PLCB1: variants seen among roughly 807,000 people sequenced by gnomAD.
PLCB1 encodes phospholipase C beta 1.
PLCB1 carries 46 observed loss-of-function variants against 161.8 expected under a neutral mutation model. The observed-to-expected ratio is 0.28, with a 90% CI of 0.22 to 0.36. The LOEUF (loss-of-function observed/expected upper bound fraction) is 0.36, where lower values mean the gene tolerates loss of function less well. PLCB1 is among the 10% of genes least tolerant of loss of function. PLCB1 has a pLI of 1.00. For missense variants in PLCB1, 1,016 were observed against 1,472.5 expected (o/e 0.69, Z 5.07); for synonymous variants, 517 against 503.7 (o/e 1.03, Z -0.35).
chr20:8,336,857 T>C (rs942611014), intron 2 of PLCB1, among the ~76,000 whole-genome samples: 2 of 152,184 alleles, frequency 1.3e-5, no homozygotes, highest in African/African-American at 4.8e-5. Flanking sequence ...TATTTCTCTC[T>C]TTTCTCCAGT....
At chr20:8,136,073 C>A (rs181905504) in intron 1 of PLCB1, among the ~76,000 whole-genome samples, 2 of 152,290 alleles carry the variant, frequency 1.3e-5, no homozygotes, top group Admixed American at 1.3e-4. Context: ...AGCACTCTGT[C>A]TCACTGTCGC....
chr20:8,270,469 A>G (rs1054052816), intron 2 of PLCB1, among the ~76,000 whole-genome samples: 4 of 152,174 alleles, frequency 2.6e-5, no homozygotes, highest in Admixed American at 6.5e-5. Context: ...TGGGAATGCA[A>G]ATCTCCAAGA....
intron 2 of PLCB1, among the ~76,000 whole-genome samples, chr20:8,175,563 T>G (rs930449027): frequency 3.9e-5 from 6 of 152,046 alleles, no homozygotes; most frequent in Admixed American, 3.9e-4. Context: ...CATAAAACTG[T>G]AAAACTTTTA....
chr20:8,504,196 G>C (rs1983536318), intron 3 of PLCB1, among the ~76,000 whole-genome samples: 1 of 152,146 alleles, frequency 6.6e-6, no homozygotes, highest in Non-Finnish European at 1.5e-5. Flanking sequence ...TCCACTCTAA[G>C]GCCCAGTGAC....
At chr20:8,619,256 T>C (rs556579945) in intron 3 of PLCB1, among the ~76,000 whole-genome samples, 171 of 152,076 alleles carry the variant, frequency 1.1e-3, no homozygotes, top group African/African-American at 4.0e-3. Context: ...CCGTCTCTAC[T>C]AAAAATACAA....
At chr20:8,453,109 A>G (rs905707329) in intron 3 of PLCB1, among the ~76,000 whole-genome samples, 1 of 152,214 alleles carries the variant, frequency 6.6e-6, no homozygotes, top group Non-Finnish European at 1.5e-5. Flanking sequence ...TTGGAATTGT[A>G]ACTTTGTTTC....
At chr20:8,143,188 C>G (rs1436766120) in intron 1 of PLCB1, among the ~76,000 whole-genome samples, 2 of 152,164 alleles carry the variant, frequency 1.3e-5, no homozygotes, top group African/African-American at 4.8e-5. Context: ...ATCTCCTTCC[C>G]TCTACTATGC....
At chr20:8,671,981 A>G (rs1465861121) in intron 9 of PLCB1, among the ~76,000 whole-genome samples, 1 of 152,216 alleles carries the variant, frequency 6.6e-6, no homozygotes, top group Non-Finnish European at 1.5e-5. Context: ...CATGTGGTCA[A>G]TGCTCAGTAA....
intron 29 of PLCB1, 46 bp downstream of exon 29, chr20:8,788,768 AT>A: frequency 7.8e-7 from 1 of 1,278,114 alleles, no homozygotes; most frequent in Non-Finnish European, 1.1e-6. Context: ...TCTGGGAATT[AT>A]TTTATTTTGT....
chr20:8,273,483 T>A (rs570405415), intron 2 of PLCB1, among the ~76,000 whole-genome samples: 1 of 152,164 alleles, frequency 6.6e-6, no homozygotes, highest in Non-Finnish European at 1.5e-5. Context: ...TCTAAGCTTT[T>A]ATGGTGCAAA....
intron 2 of PLCB1, among the ~76,000 whole-genome samples, chr20:8,234,850 A>T (rs1394250279): frequency 1.3e-5 from 2 of 152,114 alleles, no homozygotes; most frequent in Non-Finnish European, 2.9e-5. Flanking sequence ...TCTTTTTGCC[A>T]TGATGCTAAC....
chr20:8,143,759 T>G (rs1307950720), intron 1 of PLCB1, among the ~76,000 whole-genome samples: 1 of 152,128 alleles, frequency 6.6e-6, no homozygotes, highest in East Asian at 1.9e-4. Context: ...AGAGTGTGGC[T>G]CAGATAATGT....
intron 2 of PLCB1, among the ~76,000 whole-genome samples, chr20:8,260,701 T>C (rs1002485340): frequency 2.6e-5 from 4 of 152,094 alleles, no homozygotes; most frequent in East Asian, 3.9e-4. Context: ...GAGGGAAGCA[T>C]AGCATGCCCA....
At chr20:8,581,785 C>T (rs1000646243) in intron 3 of PLCB1, among the ~76,000 whole-genome samples, 1 of 152,136 alleles carries the variant, frequency 6.6e-6, no homozygotes, top group African/African-American at 2.4e-5. Context: ...TTGAGTATTT[C>T]TACTCTGAAT....
intron 2 of PLCB1, among the ~76,000 whole-genome samples, chr20:8,252,220 G>C (rs1453674510): frequency 6.6e-6 from 1 of 151,894 alleles, no homozygotes; most frequent in Non-Finnish European, 1.5e-5. Flanking sequence ...GGTGAAGCTT[G>C]ACTCCCAAGG....
intron 2 of PLCB1, among the ~76,000 whole-genome samples, chr20:8,344,524 G>A (rs1339255570): frequency 1.3e-5 from 2 of 152,210 alleles, no homozygotes; most frequent in Non-Finnish European, 2.9e-5. Context: ...TCATGCGCAA[G>A]TTCTAGGCTT....
intron 2 of PLCB1, among the ~76,000 whole-genome samples, chr20:8,241,705 C>T (rs983763079): frequency 4.6e-5 from 7 of 151,776 alleles, no homozygotes; most frequent in Non-Finnish European, 8.8e-5. Flanking sequence ...AAGAGAATAA[C>T]ACATCAACTA....
intron 10 of PLCB1, among the ~76,000 whole-genome samples, chr20:8,686,428 G>A (rs2876140): frequency 0.28 from 41,984 of 152,040 alleles, 6,812 homozygotes; most frequent in Non-Finnish European, 0.35. Context: ...TCACAATATA[G>A]AGTAGATTTT....
chr20:8,748,467 C>G (rs561116999), intron 23 of PLCB1, among the ~76,000 whole-genome samples: 1 of 152,278 alleles, frequency 6.6e-6, no homozygotes, highest in Admixed American at 6.5e-5. Context: ...GCTGCTTTTA[C>G]GAATATCCTC....
Sources: gnomAD v4.1 joint callset for allele counts (sites outside exome capture counted in the v4.1 genomes callset) on GRCh38, gnomAD v4.1.1 for gene constraint, MANE v1.5 for transcripts, NCBI Gene and HGNC (gene_info 2026-07-23, HGNC 2026-07-21) for gene names.